DNAJC13: variants seen among roughly 807,000 people sequenced by gnomAD.
DNAJC13 encodes DnaJ heat shock protein family (Hsp40) member C13.
In DNAJC13, 75 loss-of-function variants were observed where a neutral mutation model predicts 290.5. That is an observed-to-expected ratio of 0.26 (90% CI 0.21 to 0.31). DNAJC13 has a LOEUF of 0.31. Among genes scored for constraint, DNAJC13 ranks in the 10% least tolerant of loss-of-function variants. The probability of loss-of-function intolerance (pLI) is 1.00; values close to 1 mark genes in which losing one functional copy is unlikely to be tolerated. For missense variants in DNAJC13, 2,260 were observed against 2,674.5 expected, an observed-to-expected ratio of 0.85 and a Z score of 3.42; for synonymous variants, 862 against 892.0, an observed-to-expected ratio of 0.97 and a Z score of 0.60.
In DNAJC13 at chr3:132,516,424, C is replaced by T. The variant is rs111901920; in HGVS notation, c.5488C>T (p.Arg1830Cys). 3.6e-5 allele frequency: 58 copies of T among 1,613,440 alleles called. No homozygotes were observed. Among genetic ancestry groups the T allele is most frequent in the Non-Finnish European group, 4.6e-5 (54 of 1,179,684 alleles). Reference sequence around the variant, plus strand: ...TTGAAATGTCTTTTACTCTGCAGGTCGTCAGCTTGTTCTGGAAACTCTTTA... The same window carrying T: ...TTGAAATGTCTTTTACTCTGCAGGTTGTCAGCTTGTTCTGGAAACTCTTTA... ...LALLHSLPSSRQLVLETLYAL... is the reference protein window; with the variant it reads ...LALLHSLPSSCQLVLETLYAL... Residue 1830 changes from arginine to cysteine, a missense_variant and splice_region_variant, in exon 47 of 56, where the codon CGT becomes TGT. Physicochemically the swap from Arg to Cys is radical, Grantham distance 180 (BLOSUM62 -3). Around this residue, in one of 3 missense-constraint regions of DNAJC13, gnomAD observed 1,494 missense variants for 1,693.7 expected, o/e 0.88. Transcript: ENST00000260818.
chr3:132,473,087 T>G (rs1934339099), intron 20 of DNAJC13, 58 bp from the exon 21 acceptor site: 2 of 1,151,846 alleles, frequency 1.7e-6, no homozygotes, highest in Non-Finnish European at 2.5e-6. Context: ...GATGATCTTC[T>G]GACTAAGCCT....
At chr3:132,537,100 T>C (rs530859687) in intron 55 of DNAJC13, 2 of 456,270 alleles carry the variant, frequency 4.4e-6, no homozygotes, top group African/African-American at 2.0e-5. Flanking sequence ...CAAACTACTC[T>C]GCTGTTTGCA....
At chr3:132,443,805 C>G (rs141455169) in intron 2 of DNAJC13, among the ~76,000 whole-genome samples, 5 of 152,214 alleles carry the variant, frequency 3.3e-5, no homozygotes, top group Non-Finnish European at 7.4e-5. Context: ...TTAAAGATAG[C>G]TCCGTGTTTA....
chr3:132,431,495 C>T (rs77911579), intron 1 of DNAJC13, among the ~76,000 whole-genome samples: 4,839 of 152,062 alleles, frequency 0.032, 245 homozygotes, highest in African/African-American at 0.11. Context: ...AGGTATAAGC[C>T]ATATAAATAT....
rs192221043 is a variant in DNAJC13, at chr3:132,446,569, G to C, written c.144+19G>C. On this transcript the variant is annotated intron_variant, in intron 3 of 55. Coordinates refer to ENST00000260818, the MANE Select transcript of DNAJC13 (RefSeq NM_015268.4). Reference sequence around the variant, plus strand: ...AAATCAGGTAATCCTGTTAGAAGCTGTTAGGTGTTTGTATGAACTCCCTTT... The same window carrying C: ...AAATCAGGTAATCCTGTTAGAAGCTCTTAGGTGTTTGTATGAACTCCCTTT... 1.9e-6 allele frequency: 3 copies of C among 1,567,822 alleles called. No homozygotes were observed.
At chr3:132,434,787 G>C (rs930792501) in intron 2 of DNAJC13, among the ~76,000 whole-genome samples, 169 bp downstream of exon 2, 2 of 150,634 alleles carry the variant, frequency 1.3e-5, no homozygotes, top group African/African-American at 4.9e-5. Flanking sequence ...TTTTTCTTTT[G>C]ACATTTCCAG....
At chr3:132,457,057 A>C (rs1030497669) in intron 12 of DNAJC13, among the ~76,000 whole-genome samples, 3 of 152,166 alleles carry the variant, frequency 2.0e-5, no homozygotes, top group Non-Finnish European at 2.9e-5. Context: ...TTGAATGGGA[A>C]ATTACATGCC....
chr3:132,477,871 A>C lies in DNAJC13; in HGVS notation c.2528A>C (p.Glu843Ala), dbSNP rs148132195. Reference protein sequence around the residue: ...RLLLEEDENEESGSIKRSYEF... With the variant: ...RLLLEEDENEASGSIKRSYEF... ...CTATTGGAGGAAGATGAGAATGAAG[A>C]AAGTGGATCAATTAAGAGATCGTGA... Residue 843 changes from glutamate to alanine, a missense_variant, in exon 23 of 56, where the codon GAA becomes GCA. Coordinates refer to ENST00000260818, the MANE Select transcript of DNAJC13 (RefSeq NM_015268.4). The C allele has an allele frequency of 6.2e-7, 1 of 1,613,178 alleles. No individual in the cohort carries two copies. Among genetic ancestry groups the C allele is most frequent in the East Asian group, 2.2e-5 (1 of 44,796 alleles).
intron 45 of DNAJC13, 98 bp downstream of exon 45, chr3:132,513,197 T>C (rs980573307): frequency 2.0e-6 from 2 of 1,010,184 alleles, no homozygotes; most frequent in Non-Finnish European, 1.5e-6. Flanking sequence ...AAGTGTGCTT[T>C]TTTGTTGCAT....
At chr3:132,496,719 A>C in intron 36 of DNAJC13, 56 bp downstream of exon 36, 2 of 1,478,342 alleles carry the variant, frequency 1.4e-6, no homozygotes, top group Non-Finnish European at 1.8e-6. Context: ...TATCACAGCT[A>C]ACCCTATACC....
chr3:132,452,129 A>G (rs1402104281), intron 6 of DNAJC13, among the ~76,000 whole-genome samples: 1 of 152,240 alleles, frequency 6.6e-6, no homozygotes, highest in South Asian at 2.1e-4. Flanking sequence ...AGGCCTTAAT[A>G]GGATAACTGT....
intron 2 of DNAJC13, among the ~76,000 whole-genome samples, chr3:132,438,269 T>C (rs1939431192): frequency 6.6e-6 from 1 of 152,214 alleles, no homozygotes; most frequent in Non-Finnish European, 1.5e-5. Flanking sequence ...GTTTACATTT[T>C]CCAGATGGTG....
In DNAJC13 at chr3:132,456,218, C is replaced by G. The variant is rs762212896; in HGVS notation, c.933-17C>G. Reference sequence around the variant, plus strand: ...TCATCAATGCTAAAACCTTTTTTTACTTTTAATCTTACTTAGAGATTCCTT... The same window carrying G: ...TCATCAATGCTAAAACCTTTTTTTAGTTTTAATCTTACTTAGAGATTCCTT... On this transcript the variant is annotated splice_polypyrimidine_tract_variant and intron_variant, in intron 9 of 55. Transcript: ENST00000260818. The G allele has an allele frequency of 6.2e-7, 1 of 1,604,910 alleles. No homozygotes were observed. Among genetic ancestry groups the G allele is most frequent in the Non-Finnish European group, 8.5e-7 (1 of 1,176,938 alleles).
chr3:132,530,900 G>A, intron 54 of DNAJC13, 98 bp from the exon 55 acceptor site: 3 of 1,010,726 alleles, frequency 3.0e-6, no homozygotes, highest in Non-Finnish European at 4.6e-6. Flanking sequence ...TTTCCTCACT[G>A]GCCTTCTTCC....
intron 9 of DNAJC13, among the ~76,000 whole-genome samples, chr3:132,454,789 C>T (rs1480100702): frequency 1.3e-5 from 2 of 148,176 alleles, no homozygotes; most frequent in Admixed American, 1.4e-4. Flanking sequence ...TGGAAAAGAA[C>T]ACCTTAAAAA....
rs1481367900 is a variant in DNAJC13 at position 132,447,437 on chromosome 3, A to G, written c.261A>G (p.Thr87=). Residue 87 remains threonine, a synonymous_variant, in exon 4 of 56, where the codon ACA becomes ACG. Transcript: ENST00000260818. ...AGTCAGAAACTTTAAAATTTTCTAC[A>G]GAGCACAGAACAGAACTTCTTACAG... The part of the protein sequence containing the change: ...GKKSETLKFS[T]EHRTELLTEA... 6.2e-7 allele frequency: 1 copy of G among 1,607,106 alleles called. No individual in the cohort carries two copies.
chr3:132,422,016 C>T (rs773043273), intron 1 of DNAJC13, among the ~76,000 whole-genome samples: 10 of 151,280 alleles, frequency 6.6e-5, no homozygotes, highest in Non-Finnish European at 1.2e-4. Flanking sequence ...ATTTGGACTT[C>T]TGGACTTTTT....
intron 1 of DNAJC13, among the ~76,000 whole-genome samples, chr3:132,418,724 T>TG (rs1405548714): frequency 6.6e-6 from 1 of 152,174 alleles, no homozygotes; most frequent in Non-Finnish European, 1.5e-5. Context: ...TACAGTGTCT[T>TG]GGGGAAAAAA....
intron 42 of DNAJC13, 140 bp downstream of exon 42, chr3:132,505,555 G>T: frequency 1.6e-6 from 1 of 619,178 alleles, no homozygotes; most frequent in Non-Finnish European, 2.9e-6. Flanking sequence ...CTAATATTTG[G>T]CCCATTTAAG....
Sources: allele counts gnomAD v4.1 joint callset (sites outside exome capture counted in the v4.1 genomes callset), GRCh38; gene constraint gnomAD v4.1.1; regional missense constraint gnomAD v4.1.1; transcripts MANE v1.5; gene names NCBI Gene and HGNC (gene_info 2026-07-23, HGNC 2026-07-21).